Variants in PCDHA3 observed in about 807,000 individuals in gnomAD.
PCDHA3 encodes protocadherin alpha 3, also known as protocadherin alpha-3.
PCDHA3 carries 41 observed loss-of-function variants against 62.2 expected under a neutral mutation model. The observed-to-expected ratio is 0.66, with a 90% CI of 0.51 to 0.86. The LOEUF (loss-of-function observed/expected upper bound fraction) is 0.86. Among genes scored for constraint, PCDHA3 ranks in the 40% least tolerant of loss-of-function variants. The pLI is 0.00. For synonymous variants in PCDHA3, 640 were observed against 555.4 expected, an observed-to-expected ratio of 1.15 and a Z score of -2.14; for missense variants, 1,304 against 1,241.2, an observed-to-expected ratio of 1.05 and a Z score of -0.76.
rs1305533270 is a variant in PCDHA3, at chr5:141,000,401, A to C, written c.2543-9226A>C. Among the ~76,000 whole-genome samples the C allele has an allele frequency of 8.1e-3, 613 of 75,996 alleles. 4 individuals are homozygous for C. The highest frequency in any genetic ancestry group is 0.017 in the East Asian group (44 of 2,548). The allele number at this position is 75,996 out of a possible 152,430, so 49.9% of individuals were successfully genotyped here. A position where few individuals can be genotyped will look rare whatever the true frequency, so the allele number is the denominator to read the frequency against. On this transcript the variant is annotated intron_variant, in intron 3 of 3. Transcript: ENST00000522353. Reference sequence around the variant, plus strand: ...TCTCTCTCTCTCTCTCTCTCTATATATATATATATATATATATATATTTTT... The same window carrying C: ...TCTCTCTCTCTCTCTCTCTCTATATCTATATATATATATATATATATTTTT...
chr5:140,858,347 C>T lies in PCDHA3; in HGVS notation c.2394+54756C>T. ...TGGGGAGGGCCTGCCCAAGGCGGAC[C>T]TCATGGCCTTCAGCCCCAGCCTTCC... On this transcript the variant is annotated intron_variant, in intron 1 of 3. Transcript: ENST00000522353. 3 of 1,594,932 alleles carry T rather than the reference C, an allele frequency of 1.9e-6. No individual in the cohort carries two copies. The East Asian group carries it at 6.7e-5, about 36-fold the overall frequency.
At chr5:140,968,781 C>G in intron 1 of PCDHA3, 1 of 1,614,182 alleles carries the variant, frequency 6.2e-7, no homozygotes. Context: ...TCACTATCAG[C>G]CTCTGTGGCC....
Position 140,849,759 on chromosome 5 carries a change from G to A in PCDHA3, c.2394+46168G>A, listed in dbSNP as rs140660802. On this transcript the variant is annotated intron_variant, in intron 1 of 3. Coordinates refer to ENST00000522353, the MANE Select transcript of PCDHA3 (RefSeq NM_018906.3). Reference sequence around the variant, plus strand: ...GGACCGCGAGAGTGTGTCCGCCTACGAGCTGGTGGTTACCGCGCGGGACGG... The same window carrying A: ...GGACCGCGAGAGTGTGTCCGCCTACAAGCTGGTGGTTACCGCGCGGGACGG... The A allele has an allele frequency of 1.8e-5, 29 of 1,598,444 alleles. 5 individuals are homozygous for A. The Admixed American group carries it at 3.9e-4, about 21-fold the overall frequency.
chr5:140,960,482 G>GTGTA (rs1585840878), intron 1 of PCDHA3, among the ~76,000 whole-genome samples: 1 of 152,150 alleles, frequency 6.6e-6, no homozygotes, highest in Non-Finnish European at 1.5e-5. Context: ...TTACACAGAG[G>GTGTA]TGTAGGTTTG....
intron 1 of PCDHA3, among the ~76,000 whole-genome samples, chr5:140,919,172 A>G (rs144962710): frequency 6.6e-6 from 1 of 152,282 alleles, no homozygotes; most frequent in African/African-American, 2.4e-5. Flanking sequence ...TTTAGTTGCT[A>G]TATCTTCCTG....
At chr5:140,882,940 C>T (rs1554176179) in intron 1 of PCDHA3, 2 of 1,614,208 alleles carry the variant, frequency 1.2e-6, no homozygotes, top group Admixed American at 3.3e-5. Flanking sequence ...AGCTGACTGG[C>T]ACAGTTCAGC....
At chr5:140,875,399 C>T (rs62622796) in intron 1 of PCDHA3, 40,992 of 1,482,866 alleles carry the variant, frequency 0.028, 731 homozygotes, top group Non-Finnish European at 0.032. Flanking sequence ...AAAAGGGTGA[C>T]TGCTCATAAA....
At chr5:140,831,510 T>C (rs1180915101) in intron 1 of PCDHA3, among the ~76,000 whole-genome samples, 2 of 137,202 alleles carry the variant, frequency 1.5e-5, no homozygotes, top group East Asian at 4.2e-4. Flanking sequence ...AGCACCACCA[T>C]GCCCCCCACC....
intron 1 of PCDHA3, among the ~76,000 whole-genome samples, chr5:140,974,516 T>G (rs533322332): frequency 2.0e-5 from 3 of 152,328 alleles, no homozygotes; most frequent in African/African-American, 7.2e-5. Context: ...TTTTATTTTA[T>G]TTTAGTTTTT....
chr5:140,951,583 C>T (rs939168963), intron 1 of PCDHA3, among the ~76,000 whole-genome samples: 3 of 152,034 alleles, frequency 2.0e-5, no homozygotes, highest in Non-Finnish European at 4.4e-5. Flanking sequence ...CCAGATTTCA[C>T]GAGATCTCTC....
Position 140,805,384 on chromosome 5 carries a change from T to C in PCDHA3, c.2394+1793T>C, listed in dbSNP as rs112955193. On this transcript the variant is annotated intron_variant, in intron 1 of 3. Coordinates refer to ENST00000522353, the MANE Select transcript of PCDHA3 (RefSeq NM_018906.3). ...GGGTCCCCACATAGTGAAAGTACTC[T>C]GGTTTCTGTTTGATTCAGAAATTTG... is the stretch of plus-strand genomic sequence containing the variant. 5.4e-4 allele frequency: 594 copies of C among 1,106,388 alleles called. 2 individuals are homozygous for C. In the African/African-American group the frequency reaches 8.8e-3, roughly 16 times the overall value. The allele number at this position is 1,106,388 out of a possible 1,614,324, so 68.5% of individuals were successfully genotyped here.
intron 3 of PCDHA3, among the ~76,000 whole-genome samples, chr5:141,000,399 A>ATT (rs2097917152): frequency 1.5e-5 from 1 of 66,842 alleles, no homozygotes; most frequent in Non-Finnish European, 2.7e-5. Context: ...CTCTCTCTAT[A>ATT]TATATATATA....
chr5:140,816,591 G>A (rs1765953381), intron 1 of PCDHA3: 1 of 151,370 alleles, frequency 6.6e-6, no homozygotes, highest in Non-Finnish European at 1.5e-5. Context: ...TTATTACTTT[G>A]TGTTGATATC....
intron 1 of PCDHA3, chr5:140,968,708 A>G: frequency 1.2e-6 from 2 of 1,614,126 alleles, no homozygotes; most frequent in Non-Finnish European, 1.7e-6. Flanking sequence ...TACCAGGAAG[A>G]TGGGAGATGA....
intron 1 of PCDHA3, chr5:140,926,717 C>G (rs975992181): frequency 3.1e-6 from 3 of 967,258 alleles, no homozygotes; most frequent in East Asian, 6.0e-5. Context: ...CCAGCCCCGG[C>G]AATGCCGGCG....
chr5:140,861,559 A>G (rs2046978123), intron 1 of PCDHA3: 2 of 393,478 alleles, frequency 5.1e-6, no homozygotes, highest in Non-Finnish European at 5.3e-6. Context: ...GTGATCGTGG[A>G]CAAGCTGCTA....
intron 3 of PCDHA3, among the ~76,000 whole-genome samples, chr5:140,986,799 CTTAG>C (rs782752084): frequency 3.9e-5 from 6 of 152,154 alleles, no homozygotes; most frequent in South Asian, 4.1e-4. Context: ...GGCAGTGAGT[CTTAG>C]TTAGAGAACT....
intron 1 of PCDHA3, among the ~76,000 whole-genome samples, chr5:140,923,413 G>T (rs2081347795): frequency 6.6e-6 from 1 of 152,062 alleles, no homozygotes; most frequent in Non-Finnish European, 1.5e-5. Context: ...CTATAATCCT[G>T]GCTACTTGGG....
At chr5:140,830,062 G>A (rs1770788840) in intron 1 of PCDHA3, 3 of 1,613,698 alleles carry the variant, frequency 1.9e-6, no homozygotes, top group Non-Finnish European at 1.7e-6. Flanking sequence ...ACGGTGAGCC[G>A]GCGCTGACAG....
Sources: gnomAD v4.1 joint callset for allele counts (sites outside exome capture counted in the v4.1 genomes callset) on GRCh38, gnomAD v4.1.1 for gene constraint, MANE v1.5 for transcripts, NCBI Gene and HGNC (gene_info 2026-07-23, HGNC 2026-07-21) for gene names.